The following ZHX2 variants were observed in gnomAD, a reference collection of about 807,000 sequenced individuals.
ZHX2 encodes the protein zinc fingers and homeoboxes protein 2.
ZHX2 carries 6 observed loss-of-function variants against 21.9 expected under a neutral mutation model. The observed-to-expected ratio is 0.27, with a 90% CI of 0.15 to 0.54. The LOEUF is 0.54. Among genes scored for constraint, ZHX2 ranks in the 20% least tolerant of loss-of-function variants. The pLI is 0.95. For missense variants in ZHX2, 908 were observed against 1,090.7 expected, an observed-to-expected ratio of 0.83 and a Z score of 2.36; for synonymous variants, 434 against 437.1, an observed-to-expected ratio of 0.99 and a Z score of 0.09.
intron 1 of ZHX2, among the ~76,000 whole-genome samples, chr8:122,816,144 A>G (rs1437336611): frequency 2.6e-5 from 4 of 151,780 alleles, no homozygotes; most frequent in Non-Finnish European, 5.9e-5. Flanking sequence ...CACCACTCTG[A>G]TCAGTTAGCA....
chr8:122,951,628 C>T lies in ZHX2; in HGVS notation c.118C>T (p.Pro40Ser), dbSNP rs762386497. ...AKEKGIGTPQ[P>S]DVAKDSWAAE... ...AGAGAAAGGAATCGGCACACCACAG[C>T]CTGACGTGGCCAAGGACAGTTGGGC... Residue 40 changes from proline (P) to serine (S), a missense_variant, in exon 3 of 4, where the codon CCT (proline) becomes TCT (serine). By Grantham distance (74) the Pro-to-Ser change is moderately conservative (BLOSUM62 -1). Transcript: ENST00000314393. 5 of 1,613,972 alleles carry T rather than the reference C, an allele frequency of 3.1e-6. No individual in the cohort carries two copies. In the South Asian group the frequency reaches 5.5e-5, roughly 18 times the overall value.
At chr8:122,957,145 C>T (rs936176043) in intron 3 of ZHX2, among the ~76,000 whole-genome samples, 1 of 151,982 alleles carries the variant, frequency 6.6e-6, no homozygotes. Flanking sequence ...ACTCAGAAAC[C>T]AAAGAACTTA....
chr8:122,957,522 C>T (rs1281336810), intron 3 of ZHX2, among the ~76,000 whole-genome samples: 2 of 152,094 alleles, frequency 1.3e-5, no homozygotes, highest in African/African-American at 4.8e-5. Flanking sequence ...GGCTGGAGTA[C>T]AGTGGTGCCA....
At chr8:122,792,649 A>G (rs146429811) in intron 1 of ZHX2, among the ~76,000 whole-genome samples, 98 of 152,318 alleles carry the variant, frequency 6.4e-4, no homozygotes, top group Non-Finnish European at 6.6e-4. Flanking sequence ...TATTGTCATT[A>G]GTCCCATTTT....
chr8:122,917,080 C>A (rs930122939), intron 2 of ZHX2, among the ~76,000 whole-genome samples: 5 of 152,178 alleles, frequency 3.3e-5, no homozygotes, highest in African/African-American at 9.7e-5. Context: ...CCAGCGCATT[C>A]ATCCCACGCA....
chr8:122,832,473 C>T (rs1818398642), intron 1 of ZHX2, among the ~76,000 whole-genome samples: 1 of 152,142 alleles, frequency 6.6e-6, no homozygotes, highest in South Asian at 2.1e-4. Context: ...ACCAGTACAA[C>T]TCCACGCCGT....
At chr8:122,820,449 T>TATA (rs1442905129) in intron 1 of ZHX2, among the ~76,000 whole-genome samples, 1 of 152,148 alleles carries the variant, frequency 6.6e-6, no homozygotes, top group Non-Finnish European at 1.5e-5. Context: ...GCCGCCGAAT[T>TATA]ATAAATAGCA....
At chr8:122,873,487 T>C (rs977405745) in intron 2 of ZHX2, among the ~76,000 whole-genome samples, 4 of 152,144 alleles carry the variant, frequency 2.6e-5, no homozygotes, top group Admixed American at 2.0e-4. Context: ...CAGCACTCAG[T>C]AGATGGTCAC....
intron 2 of ZHX2, among the ~76,000 whole-genome samples, chr8:122,910,975 G>A (rs758236527): frequency 6.6e-6 from 1 of 152,200 alleles, no homozygotes; most frequent in Non-Finnish European, 1.5e-5. Context: ...TCGGCTACAT[G>A]TTCCTGTTAT....
intron 2 of ZHX2, among the ~76,000 whole-genome samples, chr8:122,924,641 T>C (rs1820810181): frequency 6.6e-6 from 1 of 152,100 alleles, no homozygotes; most frequent in Admixed American, 6.5e-5. Context: ...AGGGGTCTTC[T>C]AGAATAGAAG....
At chr8:122,839,559 G>T (rs1407696898) in intron 1 of ZHX2, among the ~76,000 whole-genome samples, 1 of 152,142 alleles carries the variant, frequency 6.6e-6, no homozygotes, top group East Asian at 1.9e-4. Flanking sequence ...CACACTTATG[G>T]ACATAATTTT....
intron 2 of ZHX2, among the ~76,000 whole-genome samples, chr8:122,912,609 C>T (rs1230083637): frequency 6.6e-6 from 1 of 152,182 alleles, no homozygotes; most frequent in African/African-American, 2.4e-5. Flanking sequence ...CTGCCGAGCA[C>T]CTTAAATGCC....
At chr8:122,896,381 A>T (rs769362789) in intron 2 of ZHX2, among the ~76,000 whole-genome samples, 1 of 152,236 alleles carries the variant, frequency 6.6e-6, no homozygotes, top group Non-Finnish European at 1.5e-5. Flanking sequence ...ATGCAGCAGG[A>T]TAATGAACAT....
At chr8:122,973,025 C>T (rs1813764221) in intron 3 of ZHX2, among the ~76,000 whole-genome samples, 2 of 152,216 alleles carry the variant, frequency 1.3e-5, no homozygotes, top group South Asian at 4.1e-4. Flanking sequence ...GGAGGCTTTT[C>T]CTATTATGGC....
chr8:122,868,172 T>C (rs1819342860), intron 2 of ZHX2, among the ~76,000 whole-genome samples: 1 of 152,176 alleles, frequency 6.6e-6, no homozygotes, highest in Non-Finnish European at 1.5e-5. Flanking sequence ...TGTCCACACC[T>C]GAATTCCATT....
intron 1 of ZHX2, among the ~76,000 whole-genome samples, chr8:122,794,971 T>G (rs751009443): frequency 2.0e-5 from 3 of 152,344 alleles, no homozygotes; most frequent in Non-Finnish European, 2.9e-5. Context: ...GATTTTGATC[T>G]GTTTGTACAT....
chr8:122,785,986 A>G (rs1817387803), intron 1 of ZHX2, among the ~76,000 whole-genome samples: 1 of 152,216 alleles, frequency 6.6e-6, no homozygotes, highest in Non-Finnish European at 1.5e-5. Context: ...TTGCAATAAA[A>G]CGAGTTCTGC....
chr8:122,938,524 G>A lies in ZHX2; in HGVS notation c.-219-12768G>A, dbSNP rs544382182. On this transcript the variant is annotated intron_variant, in intron 2 of 3. Transcript: ENST00000314393. Reference sequence around the variant, plus strand: ...CCAAGGGCATGGCGAGGCACCTACTGAGAACAGAAAAACAGAAGAGGAAGC... The same window carrying A: ...CCAAGGGCATGGCGAGGCACCTACTAAGAACAGAAAAACAGAAGAGGAAGC... Among the ~76,000 whole-genome samples, 4 of 152,108 alleles carry A rather than the reference G, an allele frequency of 2.6e-5. No individual in the cohort carries two copies. The East Asian group carries it at 7.8e-4, about 30-fold the overall frequency.
intron 1 of ZHX2, among the ~76,000 whole-genome samples, chr8:122,831,900 G>A (rs1554625674): frequency 6.6e-6 from 1 of 152,198 alleles, no homozygotes; most frequent in Non-Finnish European, 1.5e-5. Flanking sequence ...AGGGCGATGA[G>A]TTCAGCTTCT....
Sources: allele counts gnomAD v4.1 joint callset (sites outside exome capture counted in the v4.1 genomes callset), GRCh38; gene constraint gnomAD v4.1.1; transcripts MANE v1.5; gene names NCBI Gene and HGNC (gene_info 2026-07-23, HGNC 2026-07-21).